CSMD1: variants seen among roughly 807,000 people sequenced by gnomAD.
CSMD1 encodes the protein CUB and Sushi multiple domains 1.
A neutral mutation model predicts 417.5 loss-of-function variants in CSMD1; 213 were observed. The ratio of observed to expected loss-of-function variants is 0.51; its 90% CI spans 0.46 to 0.57. The LOEUF (loss-of-function observed/expected upper bound fraction) is 0.57, where lower values mean the gene tolerates loss of function less well. Ranked by LOEUF, CSMD1 falls within the 20% of genes least tolerant of loss-of-function variation. CSMD1 has a pLI of 0.00. For synonymous variants in CSMD1, 2,862 were observed against 1,736.8 expected (o/e 1.65, Z -16.11); for missense variants, 6,923 against 4,529.7 (o/e 1.53, Z -15.17).
chr8:4,156,964 G>T (rs911810895), intron 3 of CSMD1, among the ~76,000 whole-genome samples: 2 of 152,090 alleles, frequency 1.3e-5, no homozygotes, highest in East Asian at 1.9e-4. Context: ...CTTTGCAACT[G>T]CTTGGCAGAT....
At position 3,799,441 on chromosome 8, in the gene CSMD1, T is replaced by A. The variant is rs573916559; in HGVS notation, c.819-45399A>T. Among the ~76,000 whole-genome samples the A allele has an allele frequency of 7.0e-3, 895 of 127,776 alleles. 4 individuals are homozygous for A. The highest frequency in any genetic ancestry group is 0.03 in the Middle Eastern group (7 of 232). 83.8% of individuals were successfully genotyped at this position (127,776 alleles called of 152,430 possible). A position where few individuals can be genotyped will look rare whatever the true frequency, so the allele number is the denominator to read the frequency against. ...GCCTTAGTGTGTGATGTTCCCCTTC[T>A]TGTGTCCAAGTGTTCTCACTGTTCA... is the stretch of plus-strand genomic sequence containing the variant. On this transcript the variant is annotated intron_variant, in intron 5 of 69. Transcript: ENST00000635120.
chr8:4,955,460 T>C (rs533336918), intron 1 of CSMD1, among the ~76,000 whole-genome samples: 1,969 of 151,998 alleles, frequency 0.013, 35 homozygotes, highest in African/African-American at 0.043. Flanking sequence ...ACCTCTCTTT[T>C]TTTTTTTTAT....
At chr8:3,917,449 G>A (rs1004844669) in intron 5 of CSMD1, among the ~76,000 whole-genome samples, 2 of 151,504 alleles carry the variant, frequency 1.3e-5, no homozygotes, top group Non-Finnish European at 2.9e-5. Flanking sequence ...ACGCTCATGC[G>A]CGCACAAATA....
rs551679181 is a variant in CSMD1, at chr8:4,155,501, G to A, written c.416-123402C>T. The stretch of plus-strand genomic sequence containing the variant: ...TTCTAGTTAAACAAGGGAAAGTATC[G>A]TTCTTAAACGCCAAACTTAAATGGT... On this transcript the variant is annotated intron_variant, in intron 3 of 69. Transcript: ENST00000635120. 1.0e-3 allele frequency among the ~76,000 whole-genome samples: 158 copies of A among 152,250 alleles called. 2 individuals are homozygous for A. The highest frequency in any genetic ancestry group is 3.6e-3 in the African/African-American group (149 of 41,528).
chr8:3,799,977 T>G (rs1262455716), intron 5 of CSMD1, among the ~76,000 whole-genome samples: 1 of 152,178 alleles, frequency 6.6e-6, no homozygotes, highest in African/African-American at 2.4e-5. Context: ...GTATAAGCAT[T>G]TCACTCTGAA....
intron 3 of CSMD1, among the ~76,000 whole-genome samples, chr8:4,067,245 G>T (rs1031334911): frequency 1.3e-5 from 2 of 152,170 alleles, no homozygotes; most frequent in African/African-American, 4.8e-5. Context: ...GTTCAAGACA[G>T]ATAATTATGA....
At chr8:4,922,769 C>G (rs1806579947) in intron 1 of CSMD1, among the ~76,000 whole-genome samples, 1 of 152,140 alleles carries the variant, frequency 6.6e-6, no homozygotes, top group Non-Finnish European at 1.5e-5. Flanking sequence ...AAGAAGGCTA[C>G]TGAAGGACAC....
chr8:3,279,500 T>C lies in CSMD1; in HGVS notation c.4153+4644A>G, dbSNP rs151274543. On this transcript the variant is annotated intron_variant, in intron 26 of 69. Coordinates refer to ENST00000635120, the MANE Select transcript of CSMD1 (RefSeq NM_033225.6). ...AGGTCCTTTACAGAACTGTATTTTT[T>C]AAAATGCCACATGGTACGTATGACA... Among the ~76,000 whole-genome samples the C allele has an allele frequency of 8.3e-4, 126 of 152,330 alleles. 1 individual carries two copies. Among genetic ancestry groups the C allele is most frequent in the African/African-American group, 2.9e-3 (119 of 41,582 alleles).
At chr8:3,968,821 G>A (rs1008581359) in intron 5 of CSMD1, among the ~76,000 whole-genome samples, 2 of 152,198 alleles carry the variant, frequency 1.3e-5, no homozygotes, top group African/African-American at 2.4e-5. Flanking sequence ...CACTGATCCA[G>A]TATAGGACAA....
At chr8:3,669,783 C>T (rs537881317) in intron 7 of CSMD1, among the ~76,000 whole-genome samples, 16 of 152,238 alleles carry the variant, frequency 1.1e-4, no homozygotes, top group African/African-American at 3.6e-4. Context: ...CATCAGAGCC[C>T]TCAGGGATCC....
chr8:3,682,814 G>A (rs1019394272), intron 7 of CSMD1, among the ~76,000 whole-genome samples: 8 of 152,060 alleles, frequency 5.3e-5, no homozygotes, highest in African/African-American at 1.2e-4. Context: ...AATGACAGAT[G>A]GGATTAAGAA....
intron 23 of CSMD1, among the ~76,000 whole-genome samples, chr8:3,308,731 AG>A (rs1805089556): frequency 2.6e-5 from 2 of 75,878 alleles, no homozygotes; most frequent in Non-Finnish European, 5.0e-5. Flanking sequence ...CCTACTTACA[AG>A]TTTTTTTTTT....
intron 5 of CSMD1, among the ~76,000 whole-genome samples, chr8:3,921,736 G>A (rs1031841522): frequency 6.6e-6 from 1 of 152,124 alleles, no homozygotes; most frequent in African/African-American, 2.4e-5. Flanking sequence ...TAATATAAGA[G>A]TCAGGAAAGT....
intron 1 of CSMD1, among the ~76,000 whole-genome samples, chr8:4,649,665 A>T (rs1051449332): frequency 1.3e-5 from 2 of 152,242 alleles, no homozygotes; most frequent in African/African-American, 4.8e-5. Flanking sequence ...TCTTTATAAG[A>T]AGCCATGAAA....
chr8:3,944,175 C>T (rs555053740), intron 5 of CSMD1, among the ~76,000 whole-genome samples: 24 of 152,036 alleles, frequency 1.6e-4, no homozygotes, highest in Non-Finnish European at 1.9e-4. Flanking sequence ...TTATGCAACA[C>T]TTTTGTAAGT....
chr8:4,061,120 G>A (rs1299482519), intron 3 of CSMD1, among the ~76,000 whole-genome samples: 1 of 152,140 alleles, frequency 6.6e-6, no homozygotes. Flanking sequence ...ATATAAAGAT[G>A]GGCTCCAGCA....
At chr8:4,848,823 C>A (rs1340927390) in intron 1 of CSMD1, among the ~76,000 whole-genome samples, 1 of 152,156 alleles carries the variant, frequency 6.6e-6, no homozygotes, top group East Asian at 1.9e-4. Flanking sequence ...GGATTACAGG[C>A]GTGAGCCAAC....
chr8:3,928,279 T>A (rs1021169037), intron 5 of CSMD1, among the ~76,000 whole-genome samples: 1 of 152,218 alleles, frequency 6.6e-6, no homozygotes, highest in South Asian at 2.1e-4. Context: ...GTGATATAAA[T>A]GTTACATTGA....
intron 10 of CSMD1, among the ~76,000 whole-genome samples, chr8:3,496,426 A>G (rs1796367114): frequency 6.6e-6 from 1 of 152,198 alleles, no homozygotes; most frequent in Non-Finnish European, 1.5e-5. Flanking sequence ...CTCACTGAAC[A>G]TCAACTCCTC....
Sources: allele counts gnomAD v4.1 joint callset (sites outside exome capture counted in the v4.1 genomes callset), GRCh38; gene constraint gnomAD v4.1.1; transcripts MANE v1.5; gene names NCBI Gene and HGNC (gene_info 2026-07-23, HGNC 2026-07-21).